ZFAT: variants seen among roughly 807,000 people sequenced by gnomAD.
ZFAT encodes the protein zinc finger and AT-hook domain containing.
A neutral mutation model predicts 117.7 loss-of-function variants in ZFAT; 64 were observed. That is an observed-to-expected ratio of 0.54 (90% CI 0.44 to 0.67). The LOEUF (loss-of-function observed/expected upper bound fraction) is 0.67, where lower values mean the gene tolerates loss of function less well. Among genes scored for constraint, ZFAT ranks in the 30% least tolerant of loss-of-function variants. The pLI, the probability that ZFAT is intolerant of heterozygous loss-of-function variation, is 0.00. For missense variants in ZFAT, 1,433 were observed against 1,584.5 expected, an observed-to-expected ratio of 0.90 and a Z score of 1.62; for synonymous variants, 679 against 615.0, an observed-to-expected ratio of 1.10 and a Z score of -1.54.
chr8:134,712,491 T>C (rs796389345), intron 1 of ZFAT, among the ~76,000 whole-genome samples: 7 of 146,342 alleles, frequency 4.8e-5, no homozygotes, highest in African/African-American at 1.7e-4. Flanking sequence ...CCCGCCAAGG[T>C]CCAGTCAAAG....
the ZFAT span, among the ~76,000 whole-genome samples, chr8:134,732,976 G>A: frequency 6.6e-6 from 1 of 152,146 alleles, no homozygotes; most frequent in Admixed American, 6.5e-5. Context: ...TTAGTCAGTA[G>A]TAATGTATCA....
At chr8:134,613,638 C>T (rs116094193) in intron 3 of ZFAT, among the ~76,000 whole-genome samples, 1 of 152,270 alleles carries the variant, frequency 6.6e-6, no homozygotes, top group Admixed American at 6.5e-5. Context: ...GAGTGTGATG[C>T]CACCTCCCAC....
chr8:134,693,621 C>T (rs1353311248), intron 1 of ZFAT, among the ~76,000 whole-genome samples: 1 of 66,688 alleles, frequency 1.5e-5, no homozygotes, highest in African/African-American at 6.2e-5. Context: ...CTCAATAAAA[C>T]GGGGCGCGGG....
At chr8:134,500,997 C>T (rs1159020713) in intron 15 of ZFAT, among the ~76,000 whole-genome samples, 1 of 152,180 alleles carries the variant, frequency 6.6e-6, no homozygotes, top group Non-Finnish European at 1.5e-5. Context: ...AGGCAGGAGC[C>T]TAACCTCACC....
chr8:134,509,429 T>C (rs1025743630), intron 15 of ZFAT, among the ~76,000 whole-genome samples, 190 bp downstream of exon 15: 1 of 151,396 alleles, frequency 6.6e-6, no homozygotes, highest in Non-Finnish European at 1.5e-5. Context: ...CCCAAACACC[T>C]CCCACATATA....
the ZFAT span, among the ~76,000 whole-genome samples, chr8:134,806,365 G>A: frequency 7.4e-4 from 112 of 152,216 alleles, 1 homozygote; most frequent in African/African-American, 2.6e-3. Flanking sequence ...AAGTACATGT[G>A]GTCTCTATGG....
chr8:134,522,218 C>G (rs555087897), intron 12 of ZFAT, among the ~76,000 whole-genome samples: 5 of 152,262 alleles, frequency 3.3e-5, no homozygotes, highest in African/African-American at 1.2e-4. Context: ...GCCACCTCCA[C>G]GGTAGAGCAG....
At chr8:134,771,302 C>T in the ZFAT span, among the ~76,000 whole-genome samples, 1 of 152,138 alleles carries the variant, frequency 6.6e-6, no homozygotes, top group Admixed American at 6.5e-5. Flanking sequence ...CAGAAAAGAA[C>T]CTATGTGAAT....
intron 1 of ZFAT, among the ~76,000 whole-genome samples, chr8:134,665,071 T>C (rs1394584348): frequency 6.6e-6 from 1 of 152,252 alleles, no homozygotes; most frequent in Non-Finnish European, 1.5e-5. Flanking sequence ...AGCCAGGTCC[T>C]GTCTGCAACC....
At chr8:134,746,271 G>C in the ZFAT span, among the ~76,000 whole-genome samples, 1 of 152,116 alleles carries the variant, frequency 6.6e-6, no homozygotes, top group Non-Finnish European at 1.5e-5. Context: ...CACATGACTT[G>C]ATTTCCTGAT....
chr8:134,727,429 T>C, the ZFAT span, among the ~76,000 whole-genome samples: 1 of 152,204 alleles, frequency 6.6e-6, no homozygotes, highest in Non-Finnish European at 1.5e-5. Context: ...GTCACTGCGC[T>C]GTCTCCTCTA....
the ZFAT span, among the ~76,000 whole-genome samples, chr8:134,747,869 T>G: frequency 6.6e-6 from 1 of 152,256 alleles, no homozygotes; most frequent in Non-Finnish European, 1.5e-5. Flanking sequence ...ATCTCTGGTC[T>G]CTGGGCTGGT....
At chr8:134,509,793 G>A in intron 14 of ZFAT, 44 bp from the exon 15 acceptor site, 2 of 1,547,052 alleles carry the variant, frequency 1.3e-6, no homozygotes, top group African/African-American at 1.4e-5. Context: ...GGCCACTGGT[G>A]CTGAAGGACA....
intron 1 of ZFAT, among the ~76,000 whole-genome samples, chr8:134,667,463 A>T (rs1832286766): frequency 6.9e-6 from 1 of 144,542 alleles, no homozygotes; most frequent in Non-Finnish European, 1.5e-5. Flanking sequence ...ACTGCACTCC[A>T]GCCTGGGCGA....
chr8:134,713,090 G>A, upstream of ZFAT: 1 of 446,638 alleles, frequency 2.2e-6, no homozygotes, highest in Non-Finnish European at 3.8e-6. Context: ...CGTCCGCTTC[G>A]GGTGACCCTC....
At chr8:134,723,756 C>T in the ZFAT span, 1 of 152,198 alleles carries the variant, frequency 6.6e-6, no homozygotes, top group Non-Finnish European at 1.5e-5. Flanking sequence ...ACTTGACGAA[C>T]ACACATTTCA....
intron 12 of ZFAT, among the ~76,000 whole-genome samples, chr8:134,522,110 T>C (rs1820707802): frequency 6.6e-6 from 1 of 152,216 alleles, no homozygotes; most frequent in Non-Finnish European, 1.5e-5. Flanking sequence ...TCCCTGTCTT[T>C]CTTTGACCAC....
At chr8:134,722,533 C>T in the ZFAT span, among the ~76,000 whole-genome samples, 3 of 152,178 alleles carry the variant, frequency 2.0e-5, no homozygotes, top group African/African-American at 7.2e-5. Flanking sequence ...AGATGTAGCA[C>T]AGCTGGTCCA....
chr8:134,716,182 C>CACACAT (rs1554626958), upstream of ZFAT, among the ~76,000 whole-genome samples: 2 of 149,558 alleles, frequency 1.3e-5, no homozygotes, highest in Non-Finnish European at 3.0e-5. Flanking sequence ...CACACACACA[C>CACACAT]ATATATATAT....
Sources: gnomAD v4.1 joint callset for allele counts (sites outside exome capture counted in the v4.1 genomes callset) on GRCh38, gnomAD v4.1.1 for gene constraint, MANE v1.5 for transcripts, NCBI Gene and HGNC (gene_info 2026-07-23, HGNC 2026-07-21) for gene names.